NCKAP5: variants seen among roughly 807,000 people sequenced by gnomAD.
NCKAP5 encodes NCK associated protein 5, also known as nck-associated protein 5.
NCKAP5 carries 92 observed loss-of-function variants against 167.0 expected under a neutral mutation model. The ratio of observed to expected loss-of-function variants is 0.55; its 90% CI spans 0.47 to 0.66. NCKAP5 has a LOEUF of 0.66. Ranked by LOEUF, NCKAP5 falls within the 30% of genes least tolerant of loss-of-function variation. NCKAP5 has a pLI of 0.00. For synonymous variants in NCKAP5, 891 were observed against 877.4 expected, an observed-to-expected ratio of 1.02 and a Z score of -0.27; for missense variants, 2,378 against 2,315.0, an observed-to-expected ratio of 1.03 and a Z score of -0.56.
At chr2:132,721,117 A>G (rs1405842271) in intron 19 of NCKAP5, among the ~76,000 whole-genome samples, 2 of 151,998 alleles carry the variant, frequency 1.3e-5, no homozygotes, top group Non-Finnish European at 2.9e-5. Context: ...AGACCAGCCT[A>G]GCCAATATGG....
intron 6 of NCKAP5, among the ~76,000 whole-genome samples, chr2:133,108,770 A>T (rs2081808039): frequency 6.6e-6 from 1 of 152,196 alleles, no homozygotes; most frequent in Non-Finnish European, 1.5e-5. Context: ...AAGACATAAA[A>T]GTAAGGTTAT....
At chr2:133,263,993 A>C (rs2089050863) in intron 4 of NCKAP5, among the ~76,000 whole-genome samples, 1 of 152,214 alleles carries the variant, frequency 6.6e-6, no homozygotes, top group Admixed American at 6.5e-5. Flanking sequence ...CTTTGTGCTA[A>C]CACTTTCATC....
chr2:133,558,571 T>C (rs1000264750), intron 2 of NCKAP5, among the ~76,000 whole-genome samples: 1 of 151,974 alleles, frequency 6.6e-6, no homozygotes, highest in Non-Finnish European at 1.5e-5. Context: ...TCTGACTCCG[T>C]TACCTGCTTC....
At chr2:132,828,628 T>C (rs1444784243) in intron 11 of NCKAP5, among the ~76,000 whole-genome samples, 1 of 152,220 alleles carries the variant, frequency 6.6e-6, no homozygotes, top group Non-Finnish European at 1.5e-5. Flanking sequence ...TATTTCTTTA[T>C]AGCAGTGCAA....
At chr2:133,012,711 C>T (rs556210892) in intron 6 of NCKAP5, among the ~76,000 whole-genome samples, 1 of 152,268 alleles carries the variant, frequency 6.6e-6, no homozygotes, top group Admixed American at 6.5e-5. Flanking sequence ...TTCCTACTTC[C>T]CTCTTCCATC....
intron 11 of NCKAP5, among the ~76,000 whole-genome samples, chr2:132,855,590 T>C (rs945264877): frequency 2.0e-5 from 3 of 152,222 alleles, no homozygotes; most frequent in Non-Finnish European, 4.4e-5. Context: ...CAAACTTGTG[T>C]GGATGTTCTT....
intron 2 of NCKAP5, among the ~76,000 whole-genome samples, chr2:133,518,820 C>T (rs1395200809): frequency 6.6e-6 from 1 of 152,082 alleles, no homozygotes; most frequent in Non-Finnish European, 1.5e-5. Context: ...TATAATTACC[C>T]ACAGATTACA....
intron 3 of NCKAP5, among the ~76,000 whole-genome samples, chr2:133,405,017 C>T (rs955373809): frequency 6.6e-6 from 1 of 152,178 alleles, no homozygotes; most frequent in Admixed American, 6.5e-5. Flanking sequence ...TCTAGTGTAG[C>T]CAATAAGGCC....
At chr2:133,001,215 CTTTTTTT>C (rs56110206) in intron 6 of NCKAP5, among the ~76,000 whole-genome samples, 1 of 134,428 alleles carries the variant, frequency 7.4e-6, no homozygotes, top group Non-Finnish European at 1.6e-5. Flanking sequence ...CTTTGACTTA[CTTTTTTT>C]TTTTTTTTTT....
intron 16 of NCKAP5, among the ~76,000 whole-genome samples, chr2:132,755,895 A>G (rs906555345): frequency 7.3e-5 from 11 of 150,880 alleles, no homozygotes; most frequent in Admixed American, 1.3e-4. Context: ...TATAATAATA[A>G]TGAAGATCGA....
intron 6 of NCKAP5, among the ~76,000 whole-genome samples, chr2:133,027,241 C>A (rs902904552): frequency 6.6e-6 from 1 of 152,166 alleles, no homozygotes; most frequent in Non-Finnish European, 1.5e-5. Flanking sequence ...ATACACATCA[C>A]CCCAGCATGT....
the NCKAP5 span, among the ~76,000 whole-genome samples, chr2:133,618,731 G>C: frequency 6.6e-6 from 1 of 150,958 alleles, no homozygotes; most frequent in Non-Finnish European, 1.5e-5. Flanking sequence ...TTCAACCATT[G>C]TGGAAGTCAG....
intron 8 of NCKAP5, among the ~76,000 whole-genome samples, chr2:132,943,161 T>C (rs1697428775): frequency 6.6e-6 from 1 of 152,236 alleles, no homozygotes; most frequent in African/African-American, 2.4e-5. Context: ...CCTCTGGACA[T>C]ACCCAAATGG....
At chr2:133,219,214 T>G (rs970813463) in intron 4 of NCKAP5, among the ~76,000 whole-genome samples, 1 of 152,178 alleles carries the variant, frequency 6.6e-6, no homozygotes, top group Non-Finnish European at 1.5e-5. Flanking sequence ...TTCAGAGTAG[T>G]GTAGGCCACA....
intron 4 of NCKAP5, among the ~76,000 whole-genome samples, chr2:133,233,452 CAA>C (rs1038657960): frequency 5.9e-5 from 9 of 152,094 alleles, no homozygotes; most frequent in African/African-American, 9.6e-5. Context: ...ATAAAAAAAT[CAA>C]AAGAGTATTT....
intron 15 of NCKAP5, among the ~76,000 whole-genome samples, chr2:132,780,766 G>A (rs925073709): frequency 1.3e-5 from 2 of 152,154 alleles, no homozygotes; most frequent in African/African-American, 4.8e-5. Context: ...GATGATACCA[G>A]TAGCATCATT....
chr2:133,208,788 T>G (rs1358047944), intron 5 of NCKAP5, among the ~76,000 whole-genome samples: 1 of 152,194 alleles, frequency 6.6e-6, no homozygotes, highest in Non-Finnish European at 1.5e-5. Flanking sequence ...AGACTATATT[T>G]GCAATTTTTC....
At chr2:133,289,316 C>A (rs1488068454) in intron 4 of NCKAP5, among the ~76,000 whole-genome samples, 1 of 152,018 alleles carries the variant, frequency 6.6e-6, no homozygotes, top group Non-Finnish European at 1.5e-5. Flanking sequence ...CCTTTTTCAT[C>A]TTTTTGCCTT....
chr2:133,280,484 G>A (rs542825134), intron 4 of NCKAP5, among the ~76,000 whole-genome samples: 15 of 151,980 alleles, frequency 9.9e-5, no homozygotes, highest in Non-Finnish European at 1.9e-4. Context: ...TCGGCTCACC[G>A]CAACCTCCAC....
Sources: gnomAD v4.1 joint callset for allele counts (sites outside exome capture counted in the v4.1 genomes callset) on GRCh38, gnomAD v4.1.1 for gene constraint, MANE v1.5 for transcripts, NCBI Gene and HGNC (gene_info 2026-07-23, HGNC 2026-07-21) for gene names.